The following EYA1 variants were observed in gnomAD, a reference collection of about 807,000 sequenced individuals.
EYA1 encodes the protein EYA transcriptional coactivator and phosphatase 1.
EYA1 carries 16 observed loss-of-function variants against 82.0 expected under a neutral mutation model. That is an observed-to-expected ratio of 0.20 (90% CI 0.13 to 0.30). The LOEUF (loss-of-function observed/expected upper bound fraction) is 0.30, where lower values mean the gene tolerates loss of function less well. Among genes scored for constraint, EYA1 ranks in the 10% least tolerant of loss-of-function variants. The pLI is 1.00. For synonymous variants in EYA1, 261 were observed against 264.4 expected, an observed-to-expected ratio of 0.99 and a Z score of 0.12; for missense variants, 633 against 730.7, an observed-to-expected ratio of 0.87 and a Z score of 1.54.
chr8:71,489,348 A>G (rs1173050194), intron 2 of EYA1, among the ~76,000 whole-genome samples: 1 of 149,122 alleles, frequency 6.7e-6, no homozygotes, highest in African/African-American at 2.5e-5. Context: ...TTTTTATTGT[A>G]TTGTACTATT....
At chr8:71,340,828 G>A (rs868816132) in intron 3 of EYA1, among the ~76,000 whole-genome samples, 1 of 151,804 alleles carries the variant, frequency 6.6e-6, no homozygotes, top group Non-Finnish European at 1.5e-5. Flanking sequence ...TTAGCCCAAC[G>A]TTTGGCTTGC....
At chr8:71,467,657 T>C (rs2129197471) in intron 2 of EYA1, among the ~76,000 whole-genome samples, 1 of 152,252 alleles carries the variant, frequency 6.6e-6, no homozygotes, top group South Asian at 2.1e-4. Flanking sequence ...TTAGAGTCAT[T>C]GACTGGGGTT....
intron 12 of EYA1, among the ~76,000 whole-genome samples, chr8:71,243,601 A>T (rs562155555): frequency 4.7e-4 from 72 of 152,362 alleles, no homozygotes; most frequent in African/African-American, 1.6e-3. Context: ...TTCATTGCAG[A>T]TGAAAAGAAA....
Position 71,514,193 on chromosome 8 carries a change from A to C in EYA1, c.33+21551T>G, listed in dbSNP as rs137989856. ...TCCTATGGGAGCTCTATTTTTAGTT[A>C]AAAATAACTTACTTTGTAGATTTGT... On this transcript the variant is annotated intron_variant, in intron 2 of 18. Coordinates refer to the EYA1 transcript ENST00000643681. 3.8e-3 allele frequency among the ~76,000 whole-genome samples: 582 copies of C among 152,204 alleles called. 4 individuals carry two copies. The highest frequency in any genetic ancestry group is 0.013 in the African/African-American group (550 of 41,560).
chr8:71,306,154 C>A (rs1820717803), intron 7 of EYA1, among the ~76,000 whole-genome samples: 1 of 152,172 alleles, frequency 6.6e-6, no homozygotes, highest in Admixed American at 6.5e-5. Flanking sequence ...CATGAAGACA[C>A]CTGGTTAGAC....
At chr8:71,306,039 G>T (rs1820705768) in intron 7 of EYA1, among the ~76,000 whole-genome samples, 1 of 152,164 alleles carries the variant, frequency 6.6e-6, no homozygotes, top group African/African-American at 2.4e-5. Context: ...TCATGAAGAT[G>T]ACACAAAGAA....
intron 2 of EYA1, among the ~76,000 whole-genome samples, chr8:71,373,390 C>T (rs1828191249): frequency 6.6e-6 from 1 of 151,854 alleles, no homozygotes; most frequent in Non-Finnish European, 1.5e-5. Flanking sequence ...TTTACAATAG[C>T]ATCAAAAAGA....
chr8:71,245,839 G>A (rs1412482946), intron 11 of EYA1, among the ~76,000 whole-genome samples: 6 of 152,052 alleles, frequency 3.9e-5, no homozygotes, highest in African/African-American at 1.2e-4. Context: ...GACACTGTAC[G>A]GGCATCAAAC....
rs142505959 is a variant in EYA1, at chr8:71,252,049, G to A, written c.1051-7357C>T. Among the ~76,000 whole-genome samples the A allele has an allele frequency of 4.7e-3, 717 of 152,142 alleles. 5 individuals are homozygous for A. The highest frequency in any genetic ancestry group is 0.017 in the African/African-American group (687 of 41,532). On this transcript the variant is annotated intron_variant, in intron 11 of 17. Coordinates refer to ENST00000340726, the MANE Select transcript of EYA1 (RefSeq NM_000503.6). ...GAAAAGGGTATATAAATGCATGTGT[G>A]TACTAGATCATCAGAGGACTGGGAT...
intron 12 of EYA1, among the ~76,000 whole-genome samples, chr8:71,222,077 G>C (rs969800343): frequency 6.6e-6 from 1 of 152,056 alleles, no homozygotes; most frequent in Admixed American, 6.6e-5. Flanking sequence ...CTTTTTTCTT[G>C]TTCTAAAGCC....
chr8:71,393,862 T>C (rs938182254), intron 2 of EYA1, among the ~76,000 whole-genome samples: 2 of 152,214 alleles, frequency 1.3e-5, no homozygotes, highest in Non-Finnish European at 2.9e-5. Context: ...CCTTGAGGAA[T>C]CATCACACTG....
chr8:71,380,152 T>C (rs182807559), intron 2 of EYA1, among the ~76,000 whole-genome samples: 79 of 152,350 alleles, frequency 5.2e-4, no homozygotes, highest in African/African-American at 1.8e-3. Flanking sequence ...CTCTTTTTTC[T>C]GTCCCCTTTC....
chr8:71,508,409 G>A (rs1268688612), intron 2 of EYA1, among the ~76,000 whole-genome samples: 1 of 152,116 alleles, frequency 6.6e-6, no homozygotes, highest in African/African-American at 2.4e-5. Context: ...AAGTAGCTGG[G>A]ATTACAGGCA....
At chr8:71,512,523 G>A (rs1328213873) in intron 2 of EYA1, among the ~76,000 whole-genome samples, 2 of 151,600 alleles carry the variant, frequency 1.3e-5, no homozygotes, top group Non-Finnish European at 2.9e-5. Context: ...TACAATGGAA[G>A]TAACAATAAA....
intron 2 of EYA1, among the ~76,000 whole-genome samples, chr8:71,415,458 C>T (rs942487774): frequency 6.6e-6 from 1 of 152,190 alleles, no homozygotes; most frequent in African/African-American, 2.4e-5. Flanking sequence ...ACAACGTGAG[C>T]TTACAGAAGT....
intron 7 of EYA1, among the ~76,000 whole-genome samples, chr8:71,316,564 AATG>A (rs1331612301): frequency 3.3e-5 from 5 of 152,198 alleles, no homozygotes; most frequent in East Asian, 1.9e-4. Flanking sequence ...CATATATCAT[AATG>A]ATAATAATAA....
At chr8:71,389,106 G>A (rs1485014562) in intron 2 of EYA1, among the ~76,000 whole-genome samples, 2 of 151,804 alleles carry the variant, frequency 1.3e-5, no homozygotes, top group Non-Finnish European at 2.9e-5. Context: ...CAGAGAGAGA[G>A]GGAGAAAGAA....
At chr8:71,463,575 TTCTCTCTCTCTCTCTCTCTCTC>T (rs776367934) in intron 2 of EYA1, among the ~76,000 whole-genome samples, 126 of 41,190 alleles carry the variant, frequency 3.1e-3, no homozygotes, top group Middle Eastern at 0.022. Context: ...AATACATGCT[TTCTCTCTCTCTCTCTCTCTCTC>T]TCTCTCTCTC....
In EYA1 at chr8:71,299,675, GA is replaced by G. The variant is rs1819986624; in HGVS notation, c.601del (p.Ser201HisfsTer40). On this transcript the variant is annotated frameshift_variant, in exon 8 of 18. Transcript: ENST00000340726. LOFTEE classifies it high-confidence loss of function. Reference sequence around the variant, plus strand: ...ATTAAATCCAGAGGAATTTGTGAGTGAATTATTTCCTGTATATATTCCTGAT... The same window carrying G: ...ATTAAATCCAGAGGAATTTGTGAGTGATTATTTCCTGTATATATTCCTGAT... ...TSSGIYTGNN[S>X]LTNSSGFNSS... The G allele has an allele frequency of 6.3e-7, 1 of 1,595,918 alleles. No homozygotes were observed. Among genetic ancestry groups the G allele is most frequent in the Non-Finnish European group, 8.6e-7 (1 of 1,164,438 alleles).
Sources: allele counts gnomAD v4.1 joint callset (sites outside exome capture counted in the v4.1 genomes callset), GRCh38; gene constraint gnomAD v4.1.1; transcripts MANE v1.5; gene names NCBI Gene and HGNC (gene_info 2026-07-23, HGNC 2026-07-21).